SLC24A4: variants seen among roughly 807,000 people sequenced by gnomAD.
SLC24A4 encodes solute carrier family 24 member 4.
SLC24A4 carries 53 observed loss-of-function variants against 79.0 expected under a neutral mutation model. That is an observed-to-expected ratio of 0.67 (90% CI 0.54 to 0.84). SLC24A4 has a LOEUF of 0.84. Ranked by LOEUF, SLC24A4 falls within the 40% of genes least tolerant of loss-of-function variation. The pLI is 0.00. For synonymous variants in SLC24A4, 323 were observed against 323.8 expected (o/e 1.00, Z 0.03); for missense variants, 731 against 822.0 (o/e 0.89, Z 1.35).
chr14:92,484,769 A>T (rs1298081122), intron 13 of SLC24A4: 1 of 985,182 alleles, frequency 1.0e-6, no homozygotes, highest in Non-Finnish European at 1.2e-6. Context: ...CCCAGCCCAA[A>T]ACAGTTTGGT....
At chr14:92,425,400 A>G (rs1336386193) in intron 2 of SLC24A4, among the ~76,000 whole-genome samples, 3 of 152,222 alleles carry the variant, frequency 2.0e-5, no homozygotes, top group Non-Finnish European at 2.9e-5. Context: ...CAGGGAGCCT[A>G]TTTGTTTTTC....
chr14:92,331,246 T>C (rs1480110884), intron 2 of SLC24A4, among the ~76,000 whole-genome samples: 2 of 152,212 alleles, frequency 1.3e-5, no homozygotes, highest in Non-Finnish European at 2.9e-5. Context: ...TGGCATCTTG[T>C]TTTTAGCTCC....
rs991624956 is a variant in SLC24A4, at chr14:92,431,599, A to G, written c.242-2313A>G. On this transcript the variant is annotated intron_variant, in intron 2 of 16. Transcript: ENST00000532405. ...CAGCCAACTGGGAAGGGTGGGGTGG[A>G]TATCTGCCTGCTCGCAGCCTTTGAT... 3.3e-5 allele frequency among the ~76,000 whole-genome samples: 5 copies of G among 152,198 alleles called. No individual in the cohort carries two copies. In the East Asian group the frequency reaches 9.6e-4, roughly 29 times the overall value.
intron 2 of SLC24A4, among the ~76,000 whole-genome samples, chr14:92,357,697 G>A (rs1051562623): frequency 3.3e-5 from 5 of 152,324 alleles, no homozygotes; most frequent in African/African-American, 7.2e-5. Context: ...GGGGCGATGG[G>A]GGAGTTATCG....
chr14:92,447,617 G>A (rs1350229827), intron 9 of SLC24A4, among the ~76,000 whole-genome samples, 193 bp downstream of exon 9: 1 of 152,150 alleles, frequency 6.6e-6, no homozygotes, highest in Non-Finnish European at 1.5e-5. Context: ...CGGGGGTGCC[G>A]TCCACACTGA....
intron 2 of SLC24A4, among the ~76,000 whole-genome samples, chr14:92,378,247 G>A (rs1888629693): frequency 1.3e-5 from 2 of 152,132 alleles, no homozygotes; most frequent in Non-Finnish European, 2.9e-5. Context: ...GCTGCTGTGA[G>A]CATCCTTGTC....
Position 92,494,311 on chromosome 14 carries a change from TA to T in SLC24A4, c.*689del, listed in dbSNP as rs1314635776. 1 of 152,622 alleles carries T rather than the reference TA, an allele frequency of 6.6e-6. No individual in the cohort carries two copies. The highest frequency in any genetic ancestry group is 1.5e-5 in the Non-Finnish European group (1 of 68,070). The allele number at this position is 152,622 out of a possible 1,614,324, so 9.5% of individuals were successfully genotyped here. On this transcript the variant is annotated 3_prime_UTR_variant, in exon 17 of 17. Transcript: ENST00000532405. The surrounding 1 kb of genome is among the most constrained non-coding windows in gnomAD (Gnocchi z 4.6). ...ATTCAGAGAATAAGCAATGAAATAT[TA>T]AAAAATGAAACATCATATAGGTCAT...
intron 2 of SLC24A4, among the ~76,000 whole-genome samples, chr14:92,349,151 A>C (rs964340224): frequency 4.0e-5 from 6 of 151,136 alleles, no homozygotes; most frequent in African/African-American, 1.5e-4. Flanking sequence ...TCAATAATAA[A>C]AGTGACTGGA....
At chr14:92,460,987 G>T (rs769777097) in intron 12 of SLC24A4, among the ~76,000 whole-genome samples, 2 of 152,296 alleles carry the variant, frequency 1.3e-5, no homozygotes, top group South Asian at 2.1e-4. Context: ...CCCAGGAGTG[G>T]GTGTGGGTAG....
chr14:92,351,924 G>A (rs11626066), intron 2 of SLC24A4, among the ~76,000 whole-genome samples: 14,795 of 150,862 alleles, frequency 0.098, 930 homozygotes, highest in Admixed American at 0.14. Context: ...GGAAGGAAAG[G>A]AAAGGAAAGG....
At chr14:92,453,223 T>G (rs1260296688) in intron 10 of SLC24A4, 1 of 152,184 alleles carries the variant, frequency 6.6e-6, no homozygotes. Context: ...TGTCAGGGTT[T>G]ATAGTCACTG....
intron 3 of SLC24A4, among the ~76,000 whole-genome samples, chr14:92,437,756 C>T (rs1330715428): frequency 6.6e-6 from 1 of 152,066 alleles, no homozygotes; most frequent in Non-Finnish European, 1.5e-5. Flanking sequence ...TTAGTGCCTT[C>T]CCTAAAATTA....
At chr14:92,362,001 G>A in intron 2 of SLC24A4, among the ~76,000 whole-genome samples, 1 of 152,300 alleles carries the variant, frequency 6.6e-6, no homozygotes, top group Admixed American at 6.5e-5. Context: ...CTGGCTCCCA[G>A]GTGGTGCTTG....
chr14:92,407,618 C>T (rs1890462672), intron 2 of SLC24A4, among the ~76,000 whole-genome samples: 1 of 151,812 alleles, frequency 6.6e-6, no homozygotes, highest in Admixed American at 6.6e-5. Context: ...GCAAGTACCT[C>T]TTACCATGGT....
chr14:92,422,019 G>A (rs747349261), intron 2 of SLC24A4, among the ~76,000 whole-genome samples: 8 of 152,140 alleles, frequency 5.3e-5, no homozygotes, highest in Non-Finnish European at 1.2e-4. Flanking sequence ...AACAAACCAC[G>A]AGTGATTTCG....
chr14:92,340,635 AG>A (rs1378537743), intron 2 of SLC24A4, among the ~76,000 whole-genome samples: 2 of 152,076 alleles, frequency 1.3e-5, no homozygotes, highest in Admixed American at 1.3e-4. Flanking sequence ...AGAGTGGGAA[AG>A]ATTCCTTTCC....
At chr14:92,344,377 ATTGT>A (rs1290462080) in intron 2 of SLC24A4, among the ~76,000 whole-genome samples, 1 of 152,154 alleles carries the variant, frequency 6.6e-6, no homozygotes, top group African/African-American at 2.4e-5. Flanking sequence ...TATTTGGGGG[ATTGT>A]TTGTTATGCA....
chr14:92,407,067 A>G (rs960524407), intron 2 of SLC24A4, among the ~76,000 whole-genome samples: 1 of 152,176 alleles, frequency 6.6e-6, no homozygotes. Flanking sequence ...CATCTTGAAC[A>G]CTTTGCTCTT....
intron 2 of SLC24A4, among the ~76,000 whole-genome samples, chr14:92,351,356 A>T (rs1448294929): frequency 6.6e-6 from 1 of 152,176 alleles, no homozygotes; most frequent in Non-Finnish European, 1.5e-5. Context: ...CATCTCTAAC[A>T]CAAGCTATGG....
Sources: gnomAD v4.1 joint callset for allele counts (sites outside exome capture counted in the v4.1 genomes callset) on GRCh38, gnomAD v4.1.1 for gene constraint, Gnocchi (gnomAD v3.1) non-coding constraint, MANE v1.5 for transcripts, NCBI Gene and HGNC (gene_info 2026-07-23, HGNC 2026-07-21) for gene names.